Variants in GRID2 observed in about 807,000 individuals in gnomAD.
GRID2 encodes the protein glutamate ionotropic receptor delta type subunit 2.
Under a neutral mutation model 114.8 loss-of-function variants are expected in GRID2, and 33 were observed. The observed-to-expected ratio is 0.29, with a 90% confidence interval of 0.22 to 0.38. The LOEUF (loss-of-function observed/expected upper bound fraction) is 0.38. Ranked by LOEUF, GRID2 falls within the 10% of genes least tolerant of loss-of-function variation. The pLI, the probability that GRID2 is intolerant of heterozygous loss-of-function variation, is 1.00. For synonymous variants in GRID2, 505 were observed against 449.9 expected, an observed-to-expected ratio of 1.12 and a Z score of -1.55; for missense variants, 1,184 against 1,257.7, an observed-to-expected ratio of 0.94 and a Z score of 0.89.
At chr4:93,170,854 CTT>C (rs112575633) in intron 4 of GRID2, among the ~76,000 whole-genome samples, 4 of 145,644 alleles carry the variant, frequency 2.7e-5, no homozygotes, top group Non-Finnish European at 3.0e-5. Flanking sequence ...ATGTTTGATT[CTT>C]TTTTTTTTTT....
chr4:93,334,579 C>T (rs1758836031), intron 8 of GRID2, among the ~76,000 whole-genome samples: 1 of 152,182 alleles, frequency 6.6e-6, no homozygotes, highest in South Asian at 2.1e-4. Flanking sequence ...CCTGATAATG[C>T]TAACATGTAA....
At chr4:93,562,297 AT>A (rs1166647975) in intron 13 of GRID2, among the ~76,000 whole-genome samples, 2 of 151,872 alleles carry the variant, frequency 1.3e-5, no homozygotes, top group African/African-American at 4.8e-5. Flanking sequence ...GCATCATATA[AT>A]AATAATAAGA....
chr4:93,806,856 C>T (rs1348013853), exon 2 of GRID2: 1 of 152,242 alleles, frequency 6.6e-6, no homozygotes, highest in Non-Finnish European at 1.5e-5. Context: ...AATGGGAGGA[C>T]CCCTGGATGA....
intron 2 of GRID2, among the ~76,000 whole-genome samples, chr4:93,079,665 A>C (rs940940982): frequency 1.3e-5 from 2 of 152,100 alleles, no homozygotes; most frequent in African/African-American, 4.8e-5. Flanking sequence ...AGTTGGAATA[A>C]TAATAGCTTT....
At chr4:93,696,346 CA>C (rs1181087319) in intron 14 of GRID2, among the ~76,000 whole-genome samples, 1 of 152,174 alleles carries the variant, frequency 6.6e-6, no homozygotes, top group Non-Finnish European at 1.5e-5. Flanking sequence ...TGCCGATAAT[CA>C]ACTGCTCAAT....
At chr4:92,612,534 T>C (rs529313493) in intron 2 of GRID2, among the ~76,000 whole-genome samples, 1 of 151,456 alleles carries the variant, frequency 6.6e-6, no homozygotes, top group Non-Finnish European at 1.5e-5. Flanking sequence ...ATAAATCAAT[T>C]TGGGGATGAT....
At chr4:93,408,260 T>C (rs7691929) in intron 9 of GRID2, among the ~76,000 whole-genome samples, 35,038 of 152,046 alleles carry the variant, frequency 0.23, 5,774 homozygotes, top group African/African-American at 0.47. Flanking sequence ...TGCACTTCGA[T>C]ACACGTCTCA....
At chr4:92,366,128 A>G (rs1398844059) in intron 1 of GRID2, among the ~76,000 whole-genome samples, 1 of 152,024 alleles carries the variant, frequency 6.6e-6, no homozygotes, top group Non-Finnish European at 1.5e-5. Flanking sequence ...TTATCATATC[A>G]ATAAAATAGC....
intron 2 of GRID2, among the ~76,000 whole-genome samples, chr4:92,824,032 C>A (rs535166256): frequency 1.2e-4 from 19 of 152,006 alleles, no homozygotes; most frequent in South Asian, 2.1e-4. Context: ...TACAAAGGGA[C>A]CTTCAATCTG....
At chr4:93,204,850 T>A (rs1742516494) in intron 4 of GRID2, among the ~76,000 whole-genome samples, 1 of 152,186 alleles carries the variant, frequency 6.6e-6, no homozygotes, top group Admixed American at 6.6e-5. Flanking sequence ...ATAGCGAAGA[T>A]TATTATTTAG....
intron 13 of GRID2, among the ~76,000 whole-genome samples, chr4:93,554,440 T>C (rs981379701): frequency 3.5e-4 from 54 of 152,156 alleles, no homozygotes; most frequent in Non-Finnish European, 6.9e-4. Context: ...AATTTTTTTA[T>C]TTTTTTAAAT....
At chr4:92,964,958 A>G (rs546988275) in intron 2 of GRID2, among the ~76,000 whole-genome samples, 1 of 152,074 alleles carries the variant, frequency 6.6e-6, no homozygotes, top group African/African-American at 2.4e-5. Flanking sequence ...TACATTTACA[A>G]CTTGCTCAAC....
At chr4:92,563,221 G>T (rs1727181354) in intron 1 of GRID2, among the ~76,000 whole-genome samples, 1 of 152,116 alleles carries the variant, frequency 6.6e-6, no homozygotes, top group Admixed American at 6.6e-5. Flanking sequence ...AATAATATTA[G>T]TTAAGCTTTT....
intron 2 of GRID2, among the ~76,000 whole-genome samples, chr4:92,689,344 A>G (rs1379468180): frequency 3.3e-5 from 5 of 152,190 alleles, no homozygotes; most frequent in African/African-American, 1.2e-4. Flanking sequence ...TTCTTCCAAT[A>G]TAAGGCTGTT....
chr4:93,518,389 C>T (rs1730015478), intron 13 of GRID2, among the ~76,000 whole-genome samples: 1 of 151,776 alleles, frequency 6.6e-6, no homozygotes, highest in African/African-American at 2.4e-5. Context: ...ATTTTTTTTT[C>T]TGCCTTGCTT....
chr4:93,740,664 A>T (rs1731287073), intron 14 of GRID2, among the ~76,000 whole-genome samples: 1 of 152,188 alleles, frequency 6.6e-6, no homozygotes, highest in South Asian at 2.1e-4. Context: ...TTGTCTCATC[A>T]TCTTCAGAAC....
Position 92,753,977 on chromosome 4 carries a change from T to C in GRID2, c.244+163691T>C, listed in dbSNP as rs1235586158. ...CCAGTAATAGCTATATATGACAATA[T>C]AGAAACTCCTTCAGTATTTGTTCTC... On this transcript the variant is annotated intron_variant, in intron 2 of 15. Coordinates refer to ENST00000282020, the MANE Select transcript of GRID2 (RefSeq NM_001510.4). Among the ~76,000 whole-genome samples the C allele has an allele frequency of 2.0e-5, 3 of 152,202 alleles. No homozygotes were observed. The South Asian group carries it at 6.2e-4, about 32-fold the overall frequency.
In GRID2 at chr4:92,967,825, C is replaced by T. The variant is rs7671921; in HGVS notation, c.245-117170C>T. On this transcript the variant is annotated intron_variant, in intron 2 of 15. Coordinates refer to ENST00000282020, the MANE Select transcript of GRID2 (RefSeq NM_001510.4). ...TGGATAGCTCCAACAAAACATCTTT[C>T]AGTGAGCAGCAATAATTCTCCTTGA... 1.0e-2 allele frequency among the ~76,000 whole-genome samples: 1,515 copies of T among 152,020 alleles called. 21 individuals are homozygous for T. The highest frequency in any genetic ancestry group is 0.035 in the African/African-American group (1,439 of 41,510).
intron 2 of GRID2, among the ~76,000 whole-genome samples, chr4:92,658,761 A>G (rs922708010): frequency 7.6e-5 from 11 of 145,534 alleles, no homozygotes; most frequent in African/African-American, 1.8e-4. Context: ...TTGAACTACA[A>G]TGAATGTGTT....
Sources: allele counts gnomAD v4.1 joint callset (sites outside exome capture counted in the v4.1 genomes callset), GRCh38; gene constraint gnomAD v4.1.1; transcripts MANE v1.5; gene names NCBI Gene and HGNC (gene_info 2026-07-23, HGNC 2026-07-21).